The following RBFOX1 variants were observed in gnomAD, a reference collection of about 807,000 sequenced individuals.
RBFOX1 encodes RNA binding protein fox-1 homolog 1.
RBFOX1 carries 8 observed loss-of-function variants against 57.7 expected under a neutral mutation model. That is an observed-to-expected ratio of 0.14 (90% CI 0.08 to 0.25). RBFOX1 has a LOEUF of 0.25. Ranked by LOEUF, RBFOX1 falls within the 10% of genes least tolerant of loss-of-function variation. RBFOX1 has a pLI of 1.00. For missense variants in RBFOX1, 611 were observed against 548.5 expected, an observed-to-expected ratio of 1.11 and a Z score of -1.14; for synonymous variants, 326 against 222.4, an observed-to-expected ratio of 1.47 and a Z score of -4.15.
intron 3 of RBFOX1, among the ~76,000 whole-genome samples, chr16:6,884,404 C>T (rs1436148479): frequency 6.6e-6 from 1 of 152,174 alleles, no homozygotes; most frequent in African/African-American, 2.4e-5. Flanking sequence ...AACCACTTGT[C>T]TACAAAAGGA....
Position 5,817,695 on chromosome 16 carries a change from C to A in RBFOX1, c.319-49608C>A, listed in dbSNP as rs1221989024. Reference sequence around the variant, plus strand: ...TGCCTGCAGTGATGGGTCTTGTGGGCTGTATTTTTTTTTTTTTTTGAGACG... The same window carrying A: ...TGCCTGCAGTGATGGGTCTTGTGGGATGTATTTTTTTTTTTTTTTGAGACG... On this transcript the variant is annotated intron_variant, in intron 3 of 19. Coordinates refer to the RBFOX1 transcript ENST00000641259. 3.8e-5 allele frequency among the ~76,000 whole-genome samples: 5 copies of A among 132,890 alleles called. No homozygotes were observed. In the Admixed American group the frequency reaches 3.8e-4, roughly 10 times the overall value. The allele number at this position is 132,890 out of a possible 152,430, so 87.2% of individuals were successfully genotyped here.
intron 4 of RBFOX1, among the ~76,000 whole-genome samples, chr16:7,159,544 G>A (rs1008504962): frequency 6.6e-6 from 1 of 152,192 alleles, no homozygotes; most frequent in African/African-American, 2.4e-5. Context: ...TTCCATGGCA[G>A]AAGGCAGGAT....
At chr16:6,282,016 C>G (rs915561568) in intron 1 of RBFOX1, among the ~76,000 whole-genome samples, 1 of 152,080 alleles carries the variant, frequency 6.6e-6, no homozygotes, top group African/African-American at 2.4e-5. Context: ...ATGTACCACT[C>G]TATAGAGTGG....
intron 2 of RBFOX1, among the ~76,000 whole-genome samples, chr16:6,378,397 C>A (rs1466829802): frequency 1.3e-5 from 2 of 152,206 alleles, no homozygotes; most frequent in African/African-American, 4.8e-5. Flanking sequence ...CATCTTTCTG[C>A]ACTAGCCTGT....
intron 4 of RBFOX1, among the ~76,000 whole-genome samples, chr16:7,158,691 G>T (rs1402627669): frequency 2.1e-5 from 3 of 141,544 alleles, no homozygotes; most frequent in African/African-American, 7.3e-5. Context: ...TGGTGTGTCT[G>T]TGTGTTTGTG....
chr16:6,982,993 TAAAA>T (rs370173635), intron 3 of RBFOX1, among the ~76,000 whole-genome samples: 40 of 79,358 alleles, frequency 5.0e-4, no homozygotes, highest in East Asian at 4.3e-3. Flanking sequence ...AGACTCTGTC[TAAAA>T]AAAAAAAAAA....
chr16:6,060,122 G>GTTTTTTGTGTTTTTTTTT (rs1567355465), intron 1 of RBFOX1, among the ~76,000 whole-genome samples: 1 of 114,206 alleles, frequency 8.8e-6, no homozygotes, highest in East Asian at 2.6e-4. Context: ...TAGGATTAGG[G>GTTTTTTGTGTTTTTTTTT]TTTTTTTTTT....
chr16:7,035,845 C>T (rs999434045), intron 3 of RBFOX1, among the ~76,000 whole-genome samples: 1 of 152,070 alleles, frequency 6.6e-6, no homozygotes, highest in African/African-American at 2.4e-5. Context: ...TCTTCCAGCA[C>T]TCCTTCCATT....
chr16:6,987,710 C>G (rs909620399), intron 3 of RBFOX1, among the ~76,000 whole-genome samples: 2 of 152,140 alleles, frequency 1.3e-5, no homozygotes, highest in African/African-American at 4.8e-5. Context: ...GAAACTCATC[C>G]AAATACATGA....
intron 1 of RBFOX1, among the ~76,000 whole-genome samples, chr16:6,206,107 C>G (rs1454581650): frequency 6.6e-6 from 1 of 152,046 alleles, no homozygotes; most frequent in Non-Finnish European, 1.5e-5. Flanking sequence ...ATGTTTCTGT[C>G]TTTTAAGGCA....
At chr16:6,011,966 A>G (rs1177636841) in intron 4 of RBFOX1, among the ~76,000 whole-genome samples, 2 of 152,174 alleles carry the variant, frequency 1.3e-5, no homozygotes, top group Admixed American at 6.5e-5. Context: ...CGCCCACACC[A>G]TCTTGCATTT....
At chr16:7,510,547 T>C (rs2074802909) in intron 4 of RBFOX1, among the ~76,000 whole-genome samples, 1 of 151,866 alleles carries the variant, frequency 6.6e-6, no homozygotes, top group Non-Finnish European at 1.5e-5. Context: ...GCTTTCTGCT[T>C]GATGTGTGGA....
At chr16:6,823,545 C>T (rs930768015) in intron 3 of RBFOX1, among the ~76,000 whole-genome samples, 2 of 152,172 alleles carry the variant, frequency 1.3e-5, no homozygotes, top group African/African-American at 4.8e-5. Flanking sequence ...GAGGGAGCCA[C>T]TGTGTCTGGC....
intron 5 of RBFOX1, among the ~76,000 whole-genome samples, chr16:7,571,291 C>G (rs1452554677): frequency 6.6e-6 from 1 of 152,150 alleles, no homozygotes. Context: ...TGGCCTCAGT[C>G]TTGTCTCCCT....
intron 2 of RBFOX1, among the ~76,000 whole-genome samples, chr16:6,588,856 G>A (rs2097669421): frequency 6.6e-6 from 1 of 152,130 alleles, no homozygotes; most frequent in African/African-American, 2.4e-5. Context: ...CTCCTTAGCT[G>A]GAGGTCCTTG....
intron 5 of RBFOX1, among the ~76,000 whole-genome samples, chr16:7,556,101 T>C (rs945170851): frequency 6.6e-6 from 1 of 152,230 alleles, no homozygotes; most frequent in Admixed American, 6.5e-5. Flanking sequence ...AACCAAGGCA[T>C]TGTGGTAAAC....
At chr16:6,821,405 C>T (rs572320902) in intron 3 of RBFOX1, among the ~76,000 whole-genome samples, 1 of 152,156 alleles carries the variant, frequency 6.6e-6, no homozygotes, top group Non-Finnish European at 1.5e-5. Flanking sequence ...AGGTGTATTC[C>T]ACATAACTGA....
chr16:7,388,951 G>T (rs747755224), intron 4 of RBFOX1, among the ~76,000 whole-genome samples: 1 of 152,028 alleles, frequency 6.6e-6, no homozygotes, highest in East Asian at 1.9e-4. Context: ...AAGCATGTAC[G>T]CAGAGCTTAA....
intron 3 of RBFOX1, among the ~76,000 whole-genome samples, chr16:5,811,879 C>CT (rs1282840393): frequency 1.3e-5 from 2 of 152,180 alleles, no homozygotes; most frequent in African/African-American, 4.8e-5. Flanking sequence ...CACAATTTAG[C>CT]TTTAGAACTC....
Sources: gnomAD v4.1 joint callset for allele counts (sites outside exome capture counted in the v4.1 genomes callset) on GRCh38, gnomAD v4.1.1 for gene constraint, MANE v1.5 for transcripts, NCBI Gene and HGNC (gene_info 2026-07-23, HGNC 2026-07-21) for gene names.